The following MYH7B variants were observed in gnomAD, a reference collection of about 807,000 sequenced individuals.
The protein encoded by MYH7B is myosin-7B.
MYH7B carries 205 observed loss-of-function variants against 234.5 expected under a neutral mutation model. The observed-to-expected ratio is 0.87, with a 90% confidence interval of 0.78 to 0.98. MYH7B has a LOEUF of 0.98. MYH7B is among the 50% of genes least tolerant of loss of function. The pLI is 0.00. For missense variants in MYH7B, 2,652 were observed against 2,633.4 expected (o/e 1.01, Z -0.15); for synonymous variants, 1,193 against 1,105.0 (o/e 1.08, Z -1.58).
At chr20:34,977,735 TG>T in intron 4 of MYH7B, 55 bp downstream of exon 4, 1 of 164,858 alleles carries the variant, frequency 6.1e-6, no homozygotes. Context: ...GGTGGGCGGG[TG>T]GGTGAGGGTG....
chr20:34,973,348 G>A (rs2081810200), intron 2 of MYH7B, among the ~76,000 whole-genome samples: 1 of 152,170 alleles, frequency 6.6e-6, no homozygotes, highest in African/African-American at 2.4e-5. Flanking sequence ...TAGACAATGA[G>A]TGTCTTTTGT....
At chr20:34,977,742 G>T in intron 4 of MYH7B, 62 bp downstream of exon 4, 1 of 1,407,628 alleles carries the variant, frequency 7.1e-7, no homozygotes, top group South Asian at 1.2e-5. Flanking sequence ...GGGTGGGTGA[G>T]GGTGCCCATG....
At chr20:34,979,757 T>G (rs748238906) in exon 7 of MYH7B, 1 of 1,614,184 alleles carries the variant, frequency 6.2e-7, no homozygotes, top group Non-Finnish European at 8.5e-7. Flanking sequence ...GAACGAGGCC[T>G]CTGTGCTGCA....
chr20:34,984,637 CGCCCTT>C, intron 10 of MYH7B, 49 bp from the exon 11 acceptor site: 10 of 1,476,104 alleles, frequency 6.8e-6, no homozygotes, highest in Non-Finnish European at 8.4e-6. Flanking sequence ...TGCCCCACCC[CGCCCTT>C]CCCCACCGGA....
At chr20:34,974,875 A>C (rs1471563681) in intron 2 of MYH7B, among the ~76,000 whole-genome samples, 2 of 152,224 alleles carry the variant, frequency 1.3e-5, no homozygotes, top group Non-Finnish European at 2.9e-5. Context: ...GACACAGACC[A>C]AGCTCCTGCC....
At chr20:34,987,023 C>T (rs551367976) in intron 15 of MYH7B, 34 bp downstream of exon 15, 29 of 1,609,456 alleles carry the variant, frequency 1.8e-5, no homozygotes, top group East Asian at 2.2e-5. Context: ...GCTGTGTGGA[C>T]GCCTGTGGTG....
Position 34,987,838 on chromosome 20 carries a change from A to G in MYH7B, c.1340A>G (p.Asn447Ser), listed in dbSNP as rs75044008. ...TTCAGGTGGCTGGTGTCTCGGATCA[A>G]CCAGACCCTGGACACAAAGCTGCCC... is the stretch of plus-strand genomic sequence containing the variant. Residue 447 changes from asparagine to serine, a missense_variant, in exon 18 of 45, where the codon AAC becomes AGC. Asn to Ser is a conservative substitution (Grantham distance 46). Around this residue, in one of 3 missense-constraint regions of MYH7B, gnomAD observed 2,279 missense variants for 2,211.4 expected, o/e 1.03. Transcript: ENST00000262873. 5.6e-6 allele frequency: 9 copies of G among 1,613,666 alleles called. No individual in the cohort carries two copies. Among genetic ancestry groups the G allele is most frequent in the Non-Finnish European group, 7.6e-6 (9 of 1,179,788 alleles).
exon 37 of MYH7B, chr20:34,999,629 G>C: frequency 6.2e-7 from 1 of 1,613,824 alleles, no homozygotes; most frequent in Non-Finnish European, 8.5e-7. Context: ...TCCAGGAACT[G>C]GAGAAAACCA....
At chr20:34,964,536 T>C (rs1212144854) in intron 2 of MYH7B, among the ~76,000 whole-genome samples, 1 of 152,164 alleles carries the variant, frequency 6.6e-6, no homozygotes, top group African/African-American at 2.4e-5. Context: ...TGGGAGCTTC[T>C]CTCTACCCAG....
At chr20:34,999,960 C>T (rs2082339415) in intron 38 of MYH7B, 54 bp downstream of exon 38, 1 of 1,477,374 alleles carries the variant, frequency 6.8e-7, no homozygotes, top group Non-Finnish European at 9.4e-7. Flanking sequence ...GGGAGGGAAG[C>T]AGTGTGTACT....
At chr20:34,964,818 T>G (rs943214468) in intron 2 of MYH7B, among the ~76,000 whole-genome samples, 1 of 152,188 alleles carries the variant, frequency 6.6e-6, no homozygotes, top group African/African-American at 2.4e-5. Context: ...CACAGTGGCC[T>G]AAGTGACCCT....
At chr20:35,001,901 G>A in intron 43 of MYH7B, 47 bp from the exon 44 acceptor site, 2 of 1,588,272 alleles carry the variant, frequency 1.3e-6, no homozygotes, top group Non-Finnish European at 1.7e-6. Context: ...ACCAGAATAA[G>A]CATCTCAGTC....
chr20:34,972,458 G>A (rs372695871), intron 2 of MYH7B, among the ~76,000 whole-genome samples: 39 of 151,916 alleles, frequency 2.6e-4, no homozygotes, highest in East Asian at 7.7e-4. Context: ...CGAAGTACAC[G>A]TACCCCATTA....
chr20:34,978,520 A>G (rs1452530004), intron 5 of MYH7B, among the ~76,000 whole-genome samples: 4 of 152,162 alleles, frequency 2.6e-5, no homozygotes, highest in East Asian at 1.9e-4. Context: ...AGGCTGTACT[A>G]TTTATGACCT....
rs1193025870 is a variant in MYH7B at position 35,001,545 on chromosome 20, G to A, written c.5676+19G>A. The A allele has an allele frequency of 6.3e-7, 1 of 1,582,742 alleles. No individual in the cohort carries two copies. The highest frequency in any genetic ancestry group is 2.3e-5 in the East Asian group (1 of 42,954). The stretch of plus-strand genomic sequence containing the variant: ...GGAGGCGGTGAGTGCGCTGGGGCCT[G>A]GACACCTGGACCGGGCACCCCAGCT... On this transcript the variant is annotated intron_variant, in intron 43 of 44. Transcript: ENST00000262873.
rs774926482 is a variant in MYH7B, at chr20:34,987,265, G to A, written c.1125G>A (p.Gln375=). 2.5e-6 allele frequency: 4 copies of A among 1,611,212 alleles called. No homozygotes were observed. In the East Asian group the frequency reaches 8.9e-5, roughly 36 times the overall value. The change falls in exon 16 of 45, where the codon CAG becomes CAA. Residue 375 remains glutamine (Q), a synonymous_variant. Transcript: ENST00000262873. ...TCAAGCAGAAGCAGCGGGAGGAGCA[G>A]GCGGAGGCCGATGGCACTGAGAGTG...
At position 35,001,108 on chromosome 20, in the gene MYH7B, C is replaced by G. The variant is rs767256703; in HGVS notation, c.5425C>G (p.Gln1809Glu). 15 of 1,613,776 alleles carry G rather than the reference C, an allele frequency of 9.3e-6. No homozygotes were observed. In the South Asian group the frequency reaches 1.4e-4, roughly 15 times the overall value. Residue 1809 changes from glutamine to glutamate, a missense_variant, in exon 41 of 45, where the codon CAG (glutamine) becomes GAG (glutamate). This residue lies in a region of MYH7B where 2,279 missense variants were observed against 2,211.4 expected (regional missense o/e 1.03). Transcript: ENST00000262873. Reference sequence around the variant, plus strand: ...CCAGGCCCGCCTTGAGGAGGCAGAACAGGCCGCCCTCCGTGGCGGGAAGAA... The same window carrying G: ...CCAGGCCCGCCTTGAGGAGGCAGAAGAGGCCGCCCTCCGTGGCGGGAAGAA...
chr20:34,990,698 GC>G, intron 22 of MYH7B, 39 bp from the exon 23 acceptor site: 1 of 1,593,634 alleles, frequency 6.3e-7, no homozygotes, highest in Non-Finnish European at 8.6e-7. Context: ...CTGGTTCTCT[GC>G]CCCCTTTGTG....
At chr20:34,976,277 A>G (rs1005408458) in intron 3 of MYH7B, among the ~76,000 whole-genome samples, 4 of 152,162 alleles carry the variant, frequency 2.6e-5, no homozygotes, top group African/African-American at 9.7e-5. Context: ...TAGCTGGGAA[A>G]TTATTTCTCT....
Sources: gnomAD v4.1 joint callset for allele counts (sites outside exome capture counted in the v4.1 genomes callset) on GRCh38, gnomAD v4.1.1 for gene constraint, gnomAD v4.1.1 regional missense constraint, MANE v1.5 for transcripts, NCBI Gene and HGNC (gene_info 2026-07-23, HGNC 2026-07-21) for gene names.